PPM1B: variants seen among roughly 807,000 people sequenced by gnomAD.
The protein encoded by PPM1B is protein phosphatase, Mg2+/Mn2+ dependent 1B.
In PPM1B, 22 loss-of-function variants were observed where a neutral mutation model predicts 43.0. That is an observed-to-expected ratio of 0.51 (90% CI 0.37 to 0.73). The LOEUF is 0.73. PPM1B is among the 30% of genes least tolerant of loss of function. The probability of loss-of-function intolerance (pLI) is 0.00; values close to 1 mark genes in which losing one functional copy is unlikely to be tolerated. For synonymous variants in PPM1B, 217 were observed against 197.9 expected (o/e 1.10, Z -0.81); for missense variants, 632 against 584.2 (o/e 1.08, Z -0.84).
At chr2:44,229,880 A>G in intron 5 of PPM1B, 2 of 980,062 alleles carry the variant, frequency 2.0e-6, no homozygotes, top group South Asian at 1.8e-5. Context: ...AGATGTTTTT[A>G]TCAAAATAAG....
chr2:44,209,398 T>C (rs897757782), intron 3 of PPM1B, 71 bp downstream of exon 3: 14 of 1,521,800 alleles, frequency 9.2e-6, no homozygotes, highest in East Asian at 2.3e-5. Context: ...CCTAGCACTT[T>C]TGTCGCCTGG....
At chr2:44,228,410 G>A (rs1670321260) in intron 5 of PPM1B, among the ~76,000 whole-genome samples, 1 of 152,024 alleles carries the variant, frequency 6.6e-6, no homozygotes, top group Non-Finnish European at 1.5e-5. Flanking sequence ...CTGACCTCAA[G>A]GAATCCTCCT....
chr2:44,178,832 C>T (rs1478294100), intron 1 of PPM1B, among the ~76,000 whole-genome samples: 2 of 152,042 alleles, frequency 1.3e-5, no homozygotes, highest in Non-Finnish European at 1.5e-5. Context: ...TTAAATTTTT[C>T]TAGTAGCCAC....
intron 1 of PPM1B, among the ~76,000 whole-genome samples, chr2:44,170,324 C>T (rs573752098): frequency 1.3e-5 from 2 of 152,322 alleles, no homozygotes; most frequent in South Asian, 4.1e-4. Flanking sequence ...TTAAAATAGG[C>T]TCCACATGTT....
chr2:44,232,173 CACA>C (rs1670487212), downstream of PPM1B: 17 of 1,271,142 alleles, frequency 1.3e-5, no homozygotes, highest in Non-Finnish European at 1.7e-5. Context: ...ATATGCAATA[CACA>C]ACATCTCTCT....
chr2:44,190,229 C>A (rs929613014), intron 1 of PPM1B, among the ~76,000 whole-genome samples: 1 of 149,396 alleles, frequency 6.7e-6, no homozygotes, highest in Non-Finnish European at 1.5e-5. Flanking sequence ...AATCTCAGCT[C>A]ACTGCAACCT....
chr2:44,244,820 G>GATATATATATATATATATATAT (rs542334922), downstream of PPM1B, among the ~76,000 whole-genome samples: 3 of 129,914 alleles, frequency 2.3e-5, no homozygotes, highest in East Asian at 2.2e-4. Context: ...AATTACTTGA[G>GATATATATATATATATATATAT]ATATATATAT....
At chr2:44,185,769 G>C (rs1668090288) in intron 1 of PPM1B, among the ~76,000 whole-genome samples, 1 of 152,108 alleles carries the variant, frequency 6.6e-6, no homozygotes, top group Non-Finnish European at 1.5e-5. Context: ...CCTTGCCATT[G>C]GACCTGGGTG....
At chr2:44,177,435 T>TTTG (rs1667631744) in intron 1 of PPM1B, among the ~76,000 whole-genome samples, 1 of 149,404 alleles carries the variant, frequency 6.7e-6, no homozygotes, top group East Asian at 1.9e-4. Context: ...TTTTTTTTTT[T>TTTG]GAGACGGAGT....
rs1032871023 is a variant in PPM1B at position 44,190,280 on chromosome 2, G to A, written c.-14-10906G>A. Among the ~76,000 whole-genome samples the A allele has an allele frequency of 9.3e-5, 14 of 150,992 alleles. 1 individual carries two copies. In the East Asian group the frequency reaches 2.5e-3, roughly 27 times the overall value. On this transcript the variant is annotated intron_variant, in intron 1 of 5. Transcript: ENST00000282412. ...AGCAAGTCTCCTGCCTCAGCCTCTC[G>A]AGTAGCTGGGACTATAGGTGCCCGC... is the stretch of plus-strand genomic sequence containing the variant.
intron 1 of PPM1B, among the ~76,000 whole-genome samples, chr2:44,193,533 A>G (rs911427021): frequency 1.3e-5 from 2 of 151,282 alleles, no homozygotes; most frequent in Non-Finnish European, 2.9e-5. Context: ...AGCTAGGACT[A>G]CATGTGCTTG....
At chr2:44,174,193 A>T (rs1667476397) in intron 1 of PPM1B, among the ~76,000 whole-genome samples, 1 of 152,224 alleles carries the variant, frequency 6.6e-6, no homozygotes, top group South Asian at 2.1e-4. Flanking sequence ...TCTATTTTTT[A>T]GCTTTAAATT....
chr2:44,176,168 T>G (rs1005832481), intron 1 of PPM1B, among the ~76,000 whole-genome samples: 2 of 152,174 alleles, frequency 1.3e-5, no homozygotes, highest in Non-Finnish European at 2.9e-5. Flanking sequence ...GGCCTTCAGG[T>G]GTTTCCATTT....
chr2:44,215,961 A>C lies in PPM1B; in HGVS notation c.965-2006A>C, dbSNP rs1030283652. Reference sequence around the variant, plus strand: ...ATGACAACAGCAAAGACTAGGAGGGAATGTTCTTAGTGAGTGCAGCTGGGT... The same window carrying C: ...ATGACAACAGCAAAGACTAGGAGGGCATGTTCTTAGTGAGTGCAGCTGGGT... On this transcript the variant is annotated intron_variant, in intron 3 of 5. Coordinates refer to ENST00000282412, the MANE Select transcript of PPM1B (RefSeq NM_002706.6). Among the ~76,000 whole-genome samples the C allele has an allele frequency of 2.0e-5, 3 of 152,148 alleles. No homozygotes were observed. The East Asian group carries it at 5.8e-4, about 29-fold the overall frequency.
chr2:44,170,805 A>G (rs926589776), intron 1 of PPM1B, among the ~76,000 whole-genome samples: 5 of 152,182 alleles, frequency 3.3e-5, no homozygotes, highest in African/African-American at 1.2e-4. Context: ...TTTTTAAGGA[A>G]ATGTTTTTGT....
At chr2:44,209,730 T>C (rs927636808) in intron 3 of PPM1B, among the ~76,000 whole-genome samples, 1 of 150,508 alleles carries the variant, frequency 6.6e-6, no homozygotes, top group Non-Finnish European at 1.5e-5. Context: ...TGAGCCGAGA[T>C]TGCACCACTG....
chr2:44,218,761 C>G (rs1572741881), intron 5 of PPM1B: 1 of 469,942 alleles, frequency 2.1e-6, no homozygotes, highest in East Asian at 4.6e-5. Context: ...TTCTGGGCAT[C>G]AAATGACCTT....
intron 1 of PPM1B, among the ~76,000 whole-genome samples, chr2:44,193,534 C>T (rs1668507414): frequency 6.6e-6 from 1 of 150,616 alleles, no homozygotes; most frequent in Non-Finnish European, 1.5e-5. Context: ...GCTAGGACTA[C>T]ATGTGCTTGC....
intron 3 of PPM1B, among the ~76,000 whole-genome samples, chr2:44,212,657 T>A (rs536808267): frequency 2.0e-5 from 3 of 152,186 alleles, no homozygotes; most frequent in African/African-American, 7.2e-5. Context: ...TCTTGCCTTC[T>A]TTTAGATGTA....
Sources: gnomAD v4.1 joint callset for allele counts (sites outside exome capture counted in the v4.1 genomes callset) on GRCh38, gnomAD v4.1.1 for gene constraint, MANE v1.5 for transcripts, NCBI Gene and HGNC (gene_info 2026-07-23, HGNC 2026-07-21) for gene names.